Variants in TAF1C observed in about 807,000 individuals in gnomAD.
The protein encoded by TAF1C is TATA-box binding protein associated factor, RNA polymerase I subunit C, also known as TATA box-binding protein-associated factor RNA polymerase I subunit C.
Under a neutral mutation model 70.5 loss-of-function variants are expected in TAF1C, and 79 were observed. The observed-to-expected ratio is 1.12, with a 90% CI of 0.93 to 1.35. TAF1C has a LOEUF of 1.35. Ranked by LOEUF, TAF1C falls within the 40% of genes most tolerant of loss-of-function variation. TAF1C has a pLI of 0.00. For missense variants in TAF1C, 1,412 were observed against 1,127.8 expected, an observed-to-expected ratio of 1.25 and a Z score of -3.61; for synonymous variants, 614 against 491.1, an observed-to-expected ratio of 1.25 and a Z score of -3.31.
rs777714969 is a variant in TAF1C at position 84,179,849 on chromosome 16, G to A, written c.1624C>T (p.Leu542=). 1.2e-6 allele frequency: 2 copies of A among 1,606,864 alleles called. No individual in the cohort carries two copies. The highest frequency in any genetic ancestry group is 1.3e-5 in the African/African-American group (1 of 74,930). ...QERLKAPTIG[L]AAVVPPLPSA... is the part of the protein sequence containing the mutation. Reference sequence around the variant, plus strand: ...GGCAAGGGCGGGACGACGGCAGCCAGACCTGGTGACGGGAATGACAATGAC... The same window carrying A: ...GGCAAGGGCGGGACGACGGCAGCCAAACCTGGTGACGGGAATGACAATGAC... Residue 542 remains leucine (L), a splice_region_variant and synonymous_variant, in exon 15 of 15, where the codon CTG becomes TTG. Coordinates refer to ENST00000566732, the MANE Select transcript of TAF1C (RefSeq NM_001243156.2).
intron 1 of TAF1C, among the ~76,000 whole-genome samples, chr16:84,185,829 G>GA (rs2089450834): frequency 2.6e-5 from 4 of 152,226 alleles, no homozygotes; most frequent in African/African-American, 9.6e-5. Context: ...GAAGCCGGGA[G>GA]GCGGAGGTTG....
chr16:84,181,007 C>G (rs776413204), intron 12 of TAF1C, 36 bp downstream of exon 12: 1 of 1,578,790 alleles, frequency 6.3e-7, no homozygotes, highest in South Asian at 1.1e-5. Context: ...TGAGACAGAG[C>G]AGAGGTGGGG....
chr16:84,178,434 C>A lies in TAF1C; in HGVS notation c.*507G>T. On this transcript the variant is annotated 3_prime_UTR_variant, in exon 15 of 15. Transcript: ENST00000566732. The stretch of plus-strand genomic sequence containing the variant: ...CCTGAACCTGGATCCAAGGCATCTC[C>A]CTGTAGGAAACATCAGACCGGGGCA... 2.2e-6 allele frequency: 1 copy of A among 458,230 alleles called. No homozygotes were observed. The highest frequency in any genetic ancestry group is 4.4e-6 in the Non-Finnish European group (1 of 228,272). 28.4% of individuals were successfully genotyped at this position (458,230 alleles called of 1,614,324 possible). A position where few individuals can be genotyped will look rare whatever the true frequency, so the allele number is the denominator to read the frequency against.
Position 84,182,946 on chromosome 16 carries a change from G to A in TAF1C, c.482+130C>T, listed in dbSNP as rs1597563850. 1.1e-6 allele frequency: 1 copy of A among 893,698 alleles called. No homozygotes were observed. The highest frequency in any genetic ancestry group is 2.2e-4 in the Middle Eastern group (1 of 4,568). The allele number at this position is 893,698 out of a possible 1,614,324, so 55.4% of individuals were successfully genotyped here. On this transcript the variant is annotated intron_variant, in intron 6 of 14. Transcript: ENST00000566732. This position sits in a 1 kb window ranked among gnomAD's most constrained non-coding sequence, Gnocchi z 5.0. ...GGAGTTGGAAGTCTGGTATAAGAAA[G>A]TACAGCTCAGACTGCATGGAGCAGG...
At position 84,185,070 on chromosome 16, in the gene TAF1C, GAA is replaced by G. The variant is rs1177535262; in HGVS notation, c.-72-12_-72-11del. On this transcript the variant is annotated splice_polypyrimidine_tract_variant and intron_variant, in intron 1 of 14. Transcript: ENST00000566732. ...AGGGGCGCCAGAGTTCCTGAGGAGT[GAA>G]AAGTGCACTACGGGAAGCATATGTT... 2.1e-5 allele frequency: 31 copies of G among 1,509,174 alleles called. No individual in the cohort carries two copies. The South Asian group carries it at 3.8e-4, about 19-fold the overall frequency. The allele number at this position is 1,509,174 out of a possible 1,614,324, so 93.5% of individuals were successfully genotyped here.
intron 12 of TAF1C, 173 bp from the exon 13 acceptor site, chr16:84,180,517 C>T (rs1038904320): frequency 1.2e-5 from 8 of 689,538 alleles, no homozygotes; most frequent in Non-Finnish European, 1.6e-5. Flanking sequence ...GAACAGGTGC[C>T]GCTTCCTTCA....
chr16:84,180,805 C>A lies in TAF1C; in HGVS notation c.1308+238G>T, dbSNP rs2089131455. The A allele has an allele frequency of 4.4e-6, 6 of 1,357,852 alleles. No individual in the cohort carries two copies. The East Asian group carries it at 1.6e-4, about 37-fold the overall frequency. The allele number at this position is 1,357,852 out of a possible 1,614,324, so 84.1% of individuals were successfully genotyped here. ...ACCCCGAGGCCCCTCCTCCCCTGCT[C>A]CACCCCTGGCTGCACCTCGAAGCTC... is the stretch of plus-strand genomic sequence containing the variant. On this transcript the variant is annotated intron_variant, in intron 12 of 14. Transcript: ENST00000566732.
chr16:84,180,796 T>C (rs999652303), intron 12 of TAF1C: 6 of 1,258,528 alleles, frequency 4.8e-6, no homozygotes, highest in Non-Finnish European at 6.1e-6. Context: ...AGGCCCCTCC[T>C]CCCCTGCTCC....
intron 2 of TAF1C, 56 bp from the exon 3 acceptor site, chr16:84,183,834 GGCTGTGCACA>G: frequency 1.5e-6 from 2 of 1,371,406 alleles, no homozygotes; most frequent in Non-Finnish European, 2.0e-6. Flanking sequence ...CCCTGGGCCA[GGCTGTGCACA>G]GGCATTCATC....
chr16:84,185,930 T>C (rs990041260), intron 1 of TAF1C, among the ~76,000 whole-genome samples: 6 of 151,878 alleles, frequency 4.0e-5, no homozygotes, highest in Admixed American at 3.3e-4. Context: ...TCACAAGGCT[T>C]TGGTAAATAC....
In TAF1C at chr16:84,179,508, C is replaced by T. The variant is rs2230130; in HGVS notation, c.1965G>A (p.Val655=). ...REEEEGQRLG[V]LRKAMARGQL... Reference sequence around the variant, plus strand: ...GCCCTCGGGCCATGGCCTTGCGGAGCACACCCAGCCGCTGCCCTTCCTCTT... The same window carrying T: ...GCCCTCGGGCCATGGCCTTGCGGAGTACACCCAGCCGCTGCCCTTCCTCTT... The change falls in exon 15 of 15, where the codon GTG becomes GTA. Residue 655 remains valine, a synonymous_variant. Transcript: ENST00000566732. The T allele has an allele frequency of 0.35, 568,744 of 1,602,312 alleles. 103,516 individuals are homozygous for T. Among genetic ancestry groups the T allele is most frequent in the Admixed American group, 0.46 (27,601 of 59,822 alleles).
chr16:84,183,476 G>C lies in TAF1C; in HGVS notation c.252C>G (p.Asp84Glu). The C allele has an allele frequency of 6.2e-7, 1 of 1,611,534 alleles. No individual in the cohort carries two copies. Among genetic ancestry groups the C allele is most frequent in the Non-Finnish European group, 8.5e-7 (1 of 1,178,906 alleles). The change falls in exon 4 of 15, where the codon GAC becomes GAG. Residue 84 changes from aspartate (D) to glutamate (E), a missense_variant. Coordinates refer to ENST00000566732, the MANE Select transcript of TAF1C (RefSeq NM_001243156.2). Reference protein sequence around the residue: ...DPWDPGLTARDLLFRGGCRYR... With the variant: ...DPWDPGLTARELLFRGGCRYR... Reference sequence around the variant, plus strand: ...ACCGGCACCCTCCGCGGAAAAGCAGGTCCCGGGCAGTCAGGCCAGGGTCCC... The same window carrying C: ...ACCGGCACCCTCCGCGGAAAAGCAGCTCCCGGGCAGTCAGGCCAGGGTCCC...
At chr16:84,184,091 A>T (rs936188089) in intron 2 of TAF1C, among the ~76,000 whole-genome samples, 16 of 152,186 alleles carry the variant, frequency 1.1e-4, no homozygotes. Flanking sequence ...GCTGGTCCAC[A>T]TCTCACGTAA....
Position 84,183,454 on chromosome 16 carries a change from G to T in TAF1C, c.274C>A (p.Arg92=), listed in dbSNP as rs375748476. 5.6e-6 allele frequency: 9 copies of T among 1,612,222 alleles called. No individual in the cohort carries two copies. The highest frequency in any genetic ancestry group is 7.6e-6 in the Non-Finnish European group (9 of 1,179,274). The change falls in exon 4 of 15, where the codon CGG becomes AGG. Residue 92 remains arginine (R), a synonymous_variant. Transcript: ENST00000566732. ...ACGACTCGGGGCCGCTTCCGATACC[G>T]GCACCCTCCGCGGAAAAGCAGGTCC... is the stretch of plus-strand genomic sequence containing the variant. ...ARDLLFRGGC[R]YRKRPRVVLD...
At position 84,182,482 on chromosome 16, in the gene TAF1C, C is replaced by A; in HGVS notation, c.483-42G>T. The A allele has an allele frequency of 6.5e-7, 1 of 1,547,280 alleles. No homozygotes were observed. Among genetic ancestry groups the A allele is most frequent in the Admixed American group, 1.8e-5 (1 of 55,224 alleles). Reference sequence around the variant, plus strand: ...AGCAGGAGGATCACTCGGTGGCACTCAGGGGAGGACAGGTCCCATCCCAAG... The same window carrying A: ...AGCAGGAGGATCACTCGGTGGCACTAAGGGGAGGACAGGTCCCATCCCAAG... On this transcript the variant is annotated intron_variant, in intron 6 of 14. Coordinates refer to ENST00000566732, the MANE Select transcript of TAF1C (RefSeq NM_001243156.2). This position sits in a 1 kb window ranked among gnomAD's most constrained non-coding sequence, Gnocchi z 5.0.
chr16:84,180,049 G>C lies in TAF1C; in HGVS notation c.1518C>G (p.Pro506=), dbSNP rs2089047509. ...EGASVPRLAG[P]PQSLPSRIDS... ...CGATCCTGGAAGGAAGAGACTGGGGGGGGCCTGCCAGGCGGGGCACCGACG... is the reference window on the plus strand; with the variant it reads ...CGATCCTGGAAGGAAGAGACTGGGGCGGGCCTGCCAGGCGGGGCACCGACG... The change falls in exon 14 of 15, where the codon CCC becomes CCG. Residue 506 remains proline (P), a synonymous_variant. Transcript: ENST00000566732. 2 of 1,607,026 alleles carry C rather than the reference G, an allele frequency of 1.2e-6. No individual in the cohort carries two copies. The highest frequency in any genetic ancestry group is 2.2e-5 in the East Asian group (1 of 44,876).
intron 2 of TAF1C, 109 bp downstream of exon 2, chr16:84,184,742 G>A (rs1435868272): frequency 2.9e-6 from 4 of 1,375,294 alleles, no homozygotes; most frequent in South Asian, 1.5e-5. Flanking sequence ...CAGCAGACTC[G>A]TGTGAATGCC....
rs115696750 is a variant in TAF1C at position 84,178,395 on chromosome 16, A to C, written c.*546T>G. 1,759 of 457,196 alleles carry C rather than the reference A, an allele frequency of 3.8e-3. 27 individuals carry two copies. The highest frequency in any genetic ancestry group is 0.027 in the African/African-American group (1,367 of 50,232). The allele number at this position is 457,196 out of a possible 1,614,324, so 28.3% of individuals were successfully genotyped here. A position where few individuals can be genotyped will look rare whatever the true frequency, so the allele number is the denominator to read the frequency against. ...CCATTCCAATTCATCTTCAGCTGCCAAGTGTATTTAGTCCCTGAACCTGGA... is the reference window on the plus strand; with the variant it reads ...CCATTCCAATTCATCTTCAGCTGCCCAGTGTATTTAGTCCCTGAACCTGGA... On this transcript the variant is annotated 3_prime_UTR_variant, in exon 15 of 15. Transcript: ENST00000566732.
chr16:84,178,913 G>T lies in TAF1C; in HGVS notation c.*28C>A. The stretch of plus-strand genomic sequence containing the variant: ...CAGAGGAAGGATGAGGGGCTCTCTG[G>T]GGCTTGAGGGCAGCCCACCTTGTGT... On this transcript the variant is annotated 3_prime_UTR_variant, in exon 15 of 15. Transcript: ENST00000566732. 2 of 1,551,874 alleles carry T rather than the reference G, an allele frequency of 1.3e-6. No individual in the cohort carries two copies. Among genetic ancestry groups the T allele is most frequent in the South Asian group, 2.5e-5 (2 of 80,784 alleles).
Sources: allele counts gnomAD v4.1 joint callset (sites outside exome capture counted in the v4.1 genomes callset), GRCh38; gene constraint gnomAD v4.1.1; non-coding constraint Gnocchi (gnomAD v3.1); transcripts MANE v1.5; gene names NCBI Gene and HGNC (gene_info 2026-07-23, HGNC 2026-07-21).